SDR39U1: variants seen among roughly 807,000 people sequenced by gnomAD.
SDR39U1 encodes epimerase family protein SDR39U1.
Under a neutral mutation model 31.7 loss-of-function variants are expected in SDR39U1, and 29 were observed. That is an observed-to-expected ratio of 0.92 (90% confidence interval 0.68 to 1.25). The LOEUF (loss-of-function observed/expected upper bound fraction) is 1.25. SDR39U1 is among the 50% of genes most tolerant of loss of function. The pLI, the probability that SDR39U1 is intolerant of heterozygous loss-of-function variation, is 0.00. For missense variants in SDR39U1, 403 were observed against 378.4 expected, an observed-to-expected ratio of 1.06 and a Z score of -0.54; for synonymous variants, 147 against 159.0, an observed-to-expected ratio of 0.92 and a Z score of 0.57.
chr14:24,440,580 C>G (rs758744608), intron 5 of SDR39U1, 88 bp from the exon 6 acceptor site: 21 of 1,474,192 alleles, frequency 1.4e-5, no homozygotes, highest in Non-Finnish European at 1.9e-5. Flanking sequence ...CCCTTCCTCA[C>G]TCTCCCCATG....
chr14:24,440,436 G>C lies in SDR39U1; in HGVS notation c.529C>G (p.Leu177Val), dbSNP rs1265736524. Residue 177 changes from leucine (L) to valine (V), a missense_variant, in exon 6 of 6, where the codon CTG (leucine) becomes GTG (valine). Physicochemically the swap from Leu to Val is conservative, Grantham distance 32. Coordinates refer to ENST00000399395, the MANE Select transcript of SDR39U1 (RefSeq NM_020195.3). ...GAGCCGATGGGGCCCCCCAGGCCCA[G>C]GCGAAAGGGCAGCAGCATGTGGCCC... ...AMGHMLLPFR[L>V]GLGGPIGSGH... 2 of 1,612,286 alleles carry C rather than the reference G, an allele frequency of 1.2e-6. No individual in the cohort carries two copies. The highest frequency in any genetic ancestry group is 8.5e-7 in the Non-Finnish European group (1 of 1,179,194).
chr14:24,440,687 ACT>A (rs761353197), intron 5 of SDR39U1, 94 bp downstream of exon 5: 1 of 1,485,832 alleles, frequency 6.7e-7, no homozygotes, highest in East Asian at 2.3e-5. Context: ...GCATCCTCTC[ACT>A]CTGTAATTGT....
In SDR39U1 at chr14:24,442,770, A is replaced by G; in HGVS notation, c.-1T>C. 6.2e-7 allele frequency: 1 copy of G among 1,614,054 alleles called. No individual in the cohort carries two copies. Among genetic ancestry groups the G allele is most frequent in the Admixed American group, 1.7e-5 (1 of 60,028 alleles). On this transcript the variant is annotated 5_prime_UTR_variant, in exon 1 of 6. Transcript: ENST00000399395. ...CTCCCTCACCCACAAGCACACGCAT[A>G]GCGACTAGGACCTAACGCGCCTGCG...
chr14:24,442,496 G>C, intron 1 of SDR39U1, 44 bp from the exon 2 acceptor site: 1 of 1,539,932 alleles, frequency 6.5e-7, no homozygotes, highest in Non-Finnish European at 8.8e-7. Context: ...TGGAGTTGGG[G>C]TGGGGGCGCC....
In SDR39U1 at chr14:24,440,401, T is replaced by C. The variant is rs1375008018; in HGVS notation, c.564A>G (p.Gln188=). The change falls in exon 6 of 6, where the codon CAA becomes CAG. Residue 188 remains glutamine, a synonymous_variant. Transcript: ENST00000399395. ...GLGGPIGSGH[Q]FFPWIHIGDL... is the part of the protein sequence containing the mutation. ...CCCCGATGTGTATCCAGGGGAAGAA[T>C]TGGTGGCCTGAGCCGATGGGGCCCC... 2 of 1,613,846 alleles carry C rather than the reference T, an allele frequency of 1.2e-6. No homozygotes were observed. The highest frequency in any genetic ancestry group is 1.6e-4 in the Middle Eastern group (1 of 6,062).
intron 3 of SDR39U1, 179 bp downstream of exon 3, chr14:24,441,999 A>G (rs2043358168): frequency 1.4e-6 from 2 of 1,449,352 alleles, no homozygotes; most frequent in South Asian, 1.2e-5. Flanking sequence ...ACTTAAGCCA[A>G]TTGGCTGACT....
rs752847582 is a variant in SDR39U1 at position 24,440,334 on chromosome 14, C to T, written c.631G>A (p.Val211Met). 9.3e-6 allele frequency: 15 copies of T among 1,613,890 alleles called. No individual in the cohort carries two copies. The highest frequency in any genetic ancestry group is 1.6e-4 in the Middle Eastern group (1 of 6,084). ...ILTHALEANH[V>M]HGVLNGVAPS... ...GCCACTCCATTCAGGACCCCGTGCA[C>T]GTGGTTTGCTTCAAGGGCATGGGTC... is the stretch of plus-strand genomic sequence containing the variant. Residue 211 changes from valine (V) to methionine (M), a missense_variant, in exon 6 of 6, where the codon GTG (valine) becomes ATG (methionine). Coordinates refer to ENST00000399395, the MANE Select transcript of SDR39U1 (RefSeq NM_020195.3).
chr14:24,439,982 A>T lies in SDR39U1; in HGVS notation c.*101T>A. ...GAAAGAGGACTGGGAGAGGAATCTA[A>T]GAACCAGATGGCTTCAGCTCTCTAG... On this transcript the variant is annotated 3_prime_UTR_variant, in exon 6 of 6. Transcript: ENST00000399395. 1.0e-6 allele frequency: 1 copy of T among 959,704 alleles called. No individual in the cohort carries two copies. The highest frequency in any genetic ancestry group is 1.5e-6 in the Non-Finnish European group (1 of 657,034). The allele number at this position is 959,704 out of a possible 1,614,324, so 59.4% of individuals were successfully genotyped here. A position where few individuals can be genotyped will look rare whatever the true frequency, so the allele number is the denominator to read the frequency against.
chr14:24,441,300 T>C, intron 4 of SDR39U1: 1 of 441,404 alleles, frequency 2.3e-6, no homozygotes, highest in African/African-American at 2.0e-5. Flanking sequence ...CCTCATAGGG[T>C]TGTTGTAAGG....
In SDR39U1 at chr14:24,440,138, C is replaced by G. The variant is rs780275259; in HGVS notation, c.827G>C (p.Gly276Ala). 2 of 1,613,128 alleles carry G rather than the reference C, an allele frequency of 1.2e-6. No individual in the cohort carries two copies. Among genetic ancestry groups the G allele is most frequent in the South Asian group, 2.2e-5 (2 of 90,956 alleles). The change falls in exon 6 of 6, where the codon GGC becomes GCC. Residue 276 changes from glycine (G) to alanine (A), a missense_variant. Physicochemically the swap from Gly to Ala is moderately conservative, Grantham distance 60. Coordinates refer to ENST00000399395, the MANE Select transcript of SDR39U1 (RefSeq NM_020195.3). ...TAGCTCTGGGAAGGAATACTGGTAG[C>G]CAGTGGCCAGTGTTCGCTGTGGGAT... ...KVIPQRTLAT[G>A]YQYSFPELGA...
intron 3 of SDR39U1, 111 bp from the exon 4 acceptor site, chr14:24,441,906 A>C (rs2043354231): frequency 2.7e-6 from 4 of 1,459,054 alleles, no homozygotes; most frequent in Non-Finnish European, 2.8e-6. Flanking sequence ...AAAGCCCTGA[A>C]TTTCGGCTTA....
chr14:24,441,529 G>A, intron 4 of SDR39U1, 145 bp downstream of exon 4: 1 of 650,746 alleles, frequency 1.5e-6, no homozygotes, highest in Non-Finnish European at 2.5e-6. Flanking sequence ...GTACACAAAG[G>A]TTAGGAGAAA....
chr14:24,440,493 C>T lies in SDR39U1; in HGVS notation c.473-1G>A. ...CCACCCCCACGGCCCAGCACAACCC[C>T]TAGAGCAGGAAAGAGGGAAGGTACA... On this transcript the variant is annotated splice_acceptor_variant, in intron 5 of 5. Transcript: ENST00000399395. LOFTEE classifies it high-confidence loss of function. The T allele has an allele frequency of 6.2e-7, 1 of 1,601,140 alleles. No homozygotes were observed. The highest frequency in any genetic ancestry group is 8.5e-7 in the Non-Finnish European group (1 of 1,173,958).
chr14:24,441,946 G>A (rs2043356175), intron 3 of SDR39U1, 151 bp from the exon 4 acceptor site: 1 of 1,342,696 alleles, frequency 7.4e-7, no homozygotes, highest in Non-Finnish European at 1.0e-6. Context: ...CCTGTAGAGG[G>A]AAAGGGCATT....
chr14:24,439,942 G>T lies in SDR39U1; in HGVS notation c.*141C>A. ...TACGGCCTTGAGACAATAAGGTGGA[G>T]CAACAGAACAATGGGAAAGAGGACT... is the stretch of plus-strand genomic sequence containing the variant. On this transcript the variant is annotated 3_prime_UTR_variant, in exon 6 of 6. Coordinates refer to ENST00000399395, the MANE Select transcript of SDR39U1 (RefSeq NM_020195.3). 1.5e-6 allele frequency: 1 copy of T among 664,306 alleles called. No individual in the cohort carries two copies. The highest frequency in any genetic ancestry group is 2.5e-6 in the Non-Finnish European group (1 of 399,446). The allele number at this position is 664,306 out of a possible 1,614,324, so 41.2% of individuals were successfully genotyped here.
chr14:24,442,314 C>T lies in SDR39U1; in HGVS notation c.123+32G>A, dbSNP rs1157112381. 5.6e-6 allele frequency: 9 copies of T among 1,604,558 alleles called. No individual in the cohort carries two copies. The Admixed American group carries it at 1.5e-4, about 27-fold the overall frequency. On this transcript the variant is annotated intron_variant, in intron 2 of 5. Coordinates refer to ENST00000399395, the MANE Select transcript of SDR39U1 (RefSeq NM_020195.3). ...CCCCGCCCTGCGCCGCCCAACTCTG[C>T]CCTCCCACCCGCTTCCAGAGGATGG...
At position 24,439,885 on chromosome 14, in the gene SDR39U1, T is replaced by A. The variant is rs746167443; in HGVS notation, c.*198A>T. The A allele has an allele frequency of 3.5e-5, 18 of 509,152 alleles. No homozygotes were observed. Among genetic ancestry groups the A allele is most frequent in the Non-Finnish European group, 5.5e-5 (16 of 291,518 alleles). The allele number at this position is 509,152 out of a possible 1,614,324, so 31.5% of individuals were successfully genotyped here. On this transcript the variant is annotated 3_prime_UTR_variant, in exon 6 of 6. Coordinates refer to ENST00000399395, the MANE Select transcript of SDR39U1 (RefSeq NM_020195.3). ...CCAAACTGGGAAATCTTACAAGGAG[T>A]TGAAAAGATTAATGTCCCAACCTGA...
At chr14:24,442,281 T>G (rs2043369916) in intron 2 of SDR39U1, 21 bp from the exon 3 acceptor site, 13 of 1,603,278 alleles carry the variant, frequency 8.1e-6, no homozygotes, top group Non-Finnish European at 1.0e-5. Context: ...AAGCACACAG[T>G]GCCCCTGCCC....
upstream of SDR39U1, chr14:24,442,800 G>C: frequency 6.2e-7 from 1 of 1,613,462 alleles, no homozygotes; most frequent in Non-Finnish European, 8.5e-7. Context: ...CCTGCGTAAA[G>C]TTTAGAGTTT....
Sources: gnomAD v4.1 joint callset for allele counts on GRCh38, gnomAD v4.1.1 for gene constraint, MANE v1.5 for transcripts, NCBI Gene and HGNC (gene_info 2026-07-23, HGNC 2026-07-21) for gene names.